PAX2: variants seen among roughly 807,000 people sequenced by gnomAD.
The protein encoded by PAX2 is paired box protein Pax-2.
Under a neutral mutation model 41.7 loss-of-function variants are expected in PAX2, and 9 were observed. The ratio of observed to expected loss-of-function variants is 0.22; its 90% CI spans 0.13 to 0.38. PAX2 has a LOEUF of 0.38. Ranked by LOEUF, PAX2 falls within the 10% of genes least tolerant of loss-of-function variation. The pLI, the probability that PAX2 is intolerant of heterozygous loss-of-function variation, is 1.00. For synonymous variants in PAX2, 221 were observed against 212.7 expected (o/e 1.04, Z -0.34); for missense variants, 418 against 531.6 (o/e 0.79, Z 2.10).
rs753339070 is a variant in PAX2, at chr10:100,781,238, T to A, written c.497-8T>A. 1 of 1,614,038 alleles carries A rather than the reference T, an allele frequency of 6.2e-7. No individual in the cohort carries two copies. The highest frequency in any genetic ancestry group is 1.1e-5 in the South Asian group (1 of 91,084). On this transcript the variant is annotated splice_polypyrimidine_tract_variant and splice_region_variant and intron_variant, in intron 4 of 9. Coordinates refer to ENST00000355243, the MANE Select transcript of PAX2 (RefSeq NM_000278.5). ...TCCTGATGCCATTTCCTCCTTCCTC[T>A]CATCCAGTTCCCAGCACGGCCTCCC...
chr10:100,802,536 G>A (rs1015090314), intron 5 of PAX2, among the ~76,000 whole-genome samples: 1 of 152,188 alleles, frequency 6.6e-6, no homozygotes, highest in African/African-American at 2.4e-5. Context: ...AGGGATGTGT[G>A]GGGCTTACCT....
intron 5 of PAX2, among the ~76,000 whole-genome samples, chr10:100,781,608 C>T (rs954649936): frequency 3.3e-5 from 5 of 152,216 alleles, no homozygotes; most frequent in African/African-American, 9.7e-5. Flanking sequence ...CTCACCCTAT[C>T]GATCCCTGTG....
intron 3 of PAX2, among the ~76,000 whole-genome samples, chr10:100,759,299 G>A (rs992376837): frequency 1.3e-5 from 2 of 152,206 alleles, no homozygotes; most frequent in African/African-American, 2.4e-5. Context: ...AGTATGGAGC[G>A]AAGGAAATGG....
intron 3 of PAX2, among the ~76,000 whole-genome samples, chr10:100,777,347 C>T (rs1356283329): frequency 2.0e-5 from 3 of 150,686 alleles, no homozygotes; most frequent in South Asian, 2.1e-4. Flanking sequence ...GATCTGCCTG[C>T]GTCGGCCTCC....
intron 1 of PAX2, among the ~76,000 whole-genome samples, chr10:100,736,542 G>A (rs989448154): frequency 3.9e-5 from 6 of 152,120 alleles, no homozygotes; most frequent in Non-Finnish European, 8.8e-5. Context: ...GGCCTAATTT[G>A]AGGCCTTTTT....
In PAX2 at chr10:100,827,994, G is replaced by A. The variant is rs1265347781; in HGVS notation, c.*375G>A. 7 of 283,794 alleles carry A rather than the reference G, an allele frequency of 2.5e-5. No homozygotes were observed. The highest frequency in any genetic ancestry group is 4.5e-5 in the Non-Finnish European group (7 of 154,210). The allele number at this position is 283,794 out of a possible 1,614,324, so 17.6% of individuals were successfully genotyped here. ...GGACTCGGGCGCGACCTGCTGGCGC[G>A]CGCCGGATGTTTCTGTGACACACAA... is the stretch of plus-strand genomic sequence containing the variant. On this transcript the variant is annotated 3_prime_UTR_variant, in exon 10 of 10. Coordinates refer to ENST00000355243, the MANE Select transcript of PAX2 (RefSeq NM_000278.5). The surrounding 1 kb of genome is among the most constrained non-coding windows in gnomAD (Gnocchi z 8.5).
intron 6 of PAX2, 53 bp from the exon 7 acceptor site, chr10:100,809,057 C>T: frequency 1.3e-6 from 2 of 1,587,812 alleles, no homozygotes; most frequent in Non-Finnish European, 1.7e-6. Flanking sequence ...ACACCGAGCC[C>T]TTTCTCTGTG....
At position 100,829,939 on chromosome 10, in the gene PAX2, T is replaced by G. The variant is rs1312374321; in HGVS notation, c.*2320T>G. ...TAAATAAAGAATAAAATTTTGTATG[T>G]CACTCCCCATGGCTCCAAGTTTGTC... On this transcript the variant is annotated 3_prime_UTR_variant, in exon 10 of 10. Coordinates refer to ENST00000355243, the MANE Select transcript of PAX2 (RefSeq NM_000278.5). 4.1e-5 allele frequency: 7 copies of G among 170,464 alleles called. No individual in the cohort carries two copies. In the East Asian group the frequency reaches 7.7e-4, roughly 19 times the overall value. The allele number at this position is 170,464 out of a possible 1,614,324, so 10.6% of individuals were successfully genotyped here.
intron 5 of PAX2, among the ~76,000 whole-genome samples, chr10:100,798,663 C>T (rs1442383730): frequency 2.0e-5 from 3 of 152,124 alleles, no homozygotes; most frequent in African/African-American, 7.2e-5. Flanking sequence ...CCTCCCTTCT[C>T]CTATCTCCCT....
At chr10:100,758,832 C>T (rs893193993) in intron 3 of PAX2, among the ~76,000 whole-genome samples, 1 of 152,264 alleles carries the variant, frequency 6.6e-6, no homozygotes, top group African/African-American at 2.4e-5. Context: ...AGGGCAGTAA[C>T]ATCCACGCAA....
chr10:100,786,691 G>C (rs1025617220), intron 5 of PAX2, among the ~76,000 whole-genome samples: 14 of 152,132 alleles, frequency 9.2e-5, no homozygotes, highest in African/African-American at 3.4e-4. Context: ...CATGGTCCTG[G>C]GCACAGGCAT....
chr10:100,786,697 G>A (rs1846879338), intron 5 of PAX2, among the ~76,000 whole-genome samples: 1 of 152,164 alleles, frequency 6.6e-6, no homozygotes, highest in Non-Finnish European at 1.5e-5. Flanking sequence ...CCTGGGCACA[G>A]GCATCACCCT....
chr10:100,783,004 G>A (rs1377642302), intron 5 of PAX2, among the ~76,000 whole-genome samples: 1 of 152,228 alleles, frequency 6.6e-6, no homozygotes, highest in Non-Finnish European at 1.5e-5. Context: ...TTTTCAGTCT[G>A]AGGCTGTGGC....
At chr10:100,737,081 C>T (rs1263924362) in intron 1 of PAX2, among the ~76,000 whole-genome samples, 1 of 152,182 alleles carries the variant, frequency 6.6e-6, no homozygotes, top group South Asian at 2.1e-4. Context: ...ACCTCCTGTC[C>T]CCTGCCCTCC....
chr10:100,796,409 T>C (rs1446724724), intron 5 of PAX2, among the ~76,000 whole-genome samples: 1 of 152,250 alleles, frequency 6.6e-6, no homozygotes, highest in Non-Finnish European at 1.5e-5. Flanking sequence ...AATGGCTGCA[T>C]AATCTTCCAC....
At chr10:100,769,594 C>T (rs1367275758) in intron 3 of PAX2, among the ~76,000 whole-genome samples, 1 of 146,402 alleles carries the variant, frequency 6.8e-6, no homozygotes, top group Non-Finnish European at 1.5e-5. Context: ...GTACTCCAGC[C>T]TGGGCAACAG....
chr10:100,791,141 A>G lies in PAX2; in HGVS notation c.616+9776A>G, dbSNP rs1313787352. On this transcript the variant is annotated intron_variant, in intron 5 of 9. Coordinates refer to ENST00000355243, the MANE Select transcript of PAX2 (RefSeq NM_000278.5). The surrounding 1 kb of genome is among the most constrained non-coding windows in gnomAD (Gnocchi z 4.5). Reference sequence around the variant, plus strand: ...AATTTGGCTGCCCCCATGAAATGTCAGCATCCCCTCCCTCCCTGAGGCTCC... The same window carrying G: ...AATTTGGCTGCCCCCATGAAATGTCGGCATCCCCTCCCTCCCTGAGGCTCC... 6.6e-6 allele frequency among the ~76,000 whole-genome samples: 1 copy of G among 152,092 alleles called. No homozygotes were observed. The highest frequency in any genetic ancestry group is 2.4e-5 in the African/African-American group (1 of 41,398).
At chr10:100,755,917 G>C (rs972509264) in intron 3 of PAX2, among the ~76,000 whole-genome samples, 9 of 152,140 alleles carry the variant, frequency 5.9e-5, no homozygotes, top group African/African-American at 2.2e-4. Context: ...ATGTGGCAGG[G>C]GAGAGCAATA....
intron 3 of PAX2, among the ~76,000 whole-genome samples, chr10:100,755,521 G>A (rs1330174761): frequency 6.6e-6 from 1 of 152,192 alleles, no homozygotes; most frequent in Non-Finnish European, 1.5e-5. Flanking sequence ...AATATGAAGA[G>A]GCATAAATCT....
Sources: gnomAD v4.1 joint callset for allele counts (sites outside exome capture counted in the v4.1 genomes callset) on GRCh38, gnomAD v4.1.1 for gene constraint, Gnocchi (gnomAD v3.1) non-coding constraint, MANE v1.5 for transcripts, NCBI Gene and HGNC (gene_info 2026-07-23, HGNC 2026-07-21) for gene names.